NLRP7: variants seen among roughly 807,000 people sequenced by gnomAD.
NLRP7 encodes the protein NACHT, LRR and PYD domains-containing protein 7.
A neutral mutation model predicts 85.5 loss-of-function variants in NLRP7; 72 were observed. That is an observed-to-expected ratio of 0.84 (90% confidence interval 0.70 to 1.02). NLRP7 has a LOEUF of 1.02. Among genes scored for constraint, NLRP7 ranks in the 50% least tolerant of loss-of-function variants. The pLI, the probability that NLRP7 is intolerant of heterozygous loss-of-function variation, is 0.00. For synonymous variants in NLRP7, 550 were observed against 505.2 expected, an observed-to-expected ratio of 1.09 and a Z score of -1.19; for missense variants, 1,243 against 1,219.5, an observed-to-expected ratio of 1.02 and a Z score of -0.29.
intron 1 of NLRP7, among the ~76,000 whole-genome samples, chr19:54,943,334 G>C (rs2146238350): frequency 6.6e-6 from 1 of 152,128 alleles, no homozygotes; most frequent in Non-Finnish European, 1.5e-5. Flanking sequence ...GGGTGCGGTG[G>C]CTCACGCCTG....
intron 1 of NLRP7, among the ~76,000 whole-genome samples, chr19:54,962,835 G>C (rs1324240203): frequency 1.4e-5 from 2 of 144,006 alleles, no homozygotes; most frequent in African/African-American, 5.1e-5. Context: ...TCCTGACCTC[G>C]TGATCCGCCC....
chr19:54,939,726 C>T (rs2146218643), exon 4 of NLRP7: 1 of 1,613,562 alleles, frequency 6.2e-7, no homozygotes, highest in Non-Finnish European at 8.5e-7. Context: ...ATCCAGCACA[C>T]CGCGGGGGCC....
intron 9 of NLRP7, among the ~76,000 whole-genome samples, chr19:54,930,115 C>CAAAAAAAA (rs34446838): frequency 9.9e-6 from 1 of 100,564 alleles, no homozygotes; most frequent in Admixed American, 1.2e-4. Context: ...GGCTCCGTCT[C>CAAAAAAAA]AAAAAAAAAA....
chr19:54,949,855 C>T (rs532831790), upstream of NLRP7, among the ~76,000 whole-genome samples: 83 of 152,264 alleles, frequency 5.5e-4, 1 homozygote, highest in African/African-American at 1.3e-3. Flanking sequence ...GTAATCCCAA[C>T]GCTTTGGGAG....
At position 54,947,402 on chromosome 19, in the gene NLRP7, C is replaced by G. The variant is rs2069521663; in HGVS notation, c.-40+67G>C. The G allele has an allele frequency of 5.1e-6, 6 of 1,171,512 alleles. No homozygotes were observed. In the South Asian group the frequency reaches 6.3e-5, roughly 12 times the overall value. 72.6% of individuals were successfully genotyped at this position (1,171,512 alleles called of 1,614,324 possible). On this transcript the variant is annotated intron_variant, in intron 1 of 9. Coordinates refer to ENST00000340844, the Ensembl canonical transcript of NLRP7. ...GGCTTGGGAAGGGCTATGGTGGAAA[C>G]TCAACCAATAGCTTCTTCTCCCTTA...
chr19:54,936,399 C>G, exon 6 of NLRP7: 1 of 1,614,074 alleles, frequency 6.2e-7, no homozygotes, highest in Non-Finnish European at 8.5e-7. Context: ...ACAGAAGTCC[C>G]GGTACGCGGT....
intron 9 of NLRP7, among the ~76,000 whole-genome samples, chr19:54,928,036 A>C (rs1194639958): frequency 6.6e-6 from 1 of 152,072 alleles, no homozygotes; most frequent in Non-Finnish European, 1.5e-5. Flanking sequence ...GAGACCAGCC[A>C]GGCCAACATG....
At chr19:54,940,779 A>G in intron 3 of NLRP7, 152 bp downstream of exon 3, 1 of 706,536 alleles carries the variant, frequency 1.4e-6, no homozygotes, top group South Asian at 1.5e-5. Context: ...ATGAGCAGAG[A>G]CGGAGCCACT....
exon 9 of NLRP7, chr19:54,930,565 A>G (rs2068633964): frequency 6.2e-7 from 1 of 1,612,444 alleles, no homozygotes; most frequent in Non-Finnish European, 8.5e-7. Context: ...TCCACGAGCT[A>G]TCTGGTTGAT....
chr19:54,954,762 C>A (rs534737920), intron 1 of NLRP7, among the ~76,000 whole-genome samples: 1 of 151,986 alleles, frequency 6.6e-6, no homozygotes, highest in South Asian at 2.1e-4. Context: ...AGGAGAATCA[C>A]TTGAACTGAA....
intron 1 of NLRP7, among the ~76,000 whole-genome samples, chr19:54,957,378 C>G (rs1251251128): frequency 5.4e-5 from 8 of 147,954 alleles, no homozygotes; most frequent in Non-Finnish European, 7.4e-5. Flanking sequence ...TGGAGTCTCC[C>G]TTTGAAGCCC....
At chr19:54,932,111 G>C (rs774802252) in intron 8 of NLRP7, among the ~76,000 whole-genome samples, 1 of 152,126 alleles carries the variant, frequency 6.6e-6, no homozygotes, top group African/African-American at 2.4e-5. Flanking sequence ...ATAACGATCA[G>C]GTAGGTGACT....
chr19:54,931,457 A>C (rs2068673944), intron 8 of NLRP7, among the ~76,000 whole-genome samples: 1 of 152,092 alleles, frequency 6.6e-6, no homozygotes, highest in African/African-American at 2.4e-5. Flanking sequence ...TGGGAGGCTG[A>C]GGCAGACAGA....
chr19:54,958,028 C>T (rs1227262389), intron 1 of NLRP7, among the ~76,000 whole-genome samples: 1 of 151,964 alleles, frequency 6.6e-6, no homozygotes, highest in East Asian at 2.0e-4. Context: ...CTAGCCTGGC[C>T]AAGGTGGTGA....
chr19:54,930,007 C>CA (rs1395809602), intron 9 of NLRP7, among the ~76,000 whole-genome samples: 1 of 149,586 alleles, frequency 6.7e-6, no homozygotes, highest in Non-Finnish European at 1.5e-5. Context: ...CCCAGCTACT[C>CA]AGGAGGCTGA....
At chr19:54,935,989 T>C (rs2068905374) in intron 6 of NLRP7, among the ~76,000 whole-genome samples, 1 of 152,032 alleles carries the variant, frequency 6.6e-6, no homozygotes, top group African/African-American at 2.4e-5. Context: ...TCCCAACAAT[T>C]AGGCAAGGTG....
At chr19:54,957,535 G>T (rs2069899200) in intron 1 of NLRP7, among the ~76,000 whole-genome samples, 1 of 151,602 alleles carries the variant, frequency 6.6e-6, no homozygotes, top group Non-Finnish European at 1.5e-5. Flanking sequence ...AGCAGAGATG[G>T]GGTTTCACCA....
chr19:54,941,245 C>T (rs2069206452), intron 2 of NLRP7, among the ~76,000 whole-genome samples, 190 bp downstream of exon 2: 1 of 151,706 alleles, frequency 6.6e-6, no homozygotes, highest in Non-Finnish European at 1.5e-5. Context: ...TGAAACACGC[C>T]TGTAATCCCA....
chr19:54,929,613 G>A (rs2068588081), intron 9 of NLRP7, among the ~76,000 whole-genome samples: 1 of 152,058 alleles, frequency 6.6e-6, no homozygotes, highest in African/African-American at 2.4e-5. Context: ...GGTTTATGAG[G>A]TGGGGCAGGC....
Sources: allele counts gnomAD v4.1 joint callset (sites outside exome capture counted in the v4.1 genomes callset), GRCh38; gene constraint gnomAD v4.1.1; transcripts MANE v1.5; gene names NCBI Gene and HGNC (gene_info 2026-07-23, HGNC 2026-07-21).